The following RPS20 variants were observed in gnomAD, a reference collection of about 807,000 sequenced individuals.
RPS20 encodes ribosomal protein S20, also known as small ribosomal subunit protein uS10.
A neutral mutation model predicts 15.3 loss-of-function variants in RPS20; 3 were observed. That is an observed-to-expected ratio of 0.20 (90% confidence interval 0.09 to 0.51). RPS20 has a LOEUF of 0.51. RPS20 is among the 20% of genes least tolerant of loss of function. The probability of loss-of-function intolerance (pLI) is 0.96; values close to 1 mark genes in which losing one functional copy is unlikely to be tolerated. For missense variants in RPS20, 67 were observed against 145.9 expected (o/e 0.46, Z 2.79); for synonymous variants, 62 against 47.8 (o/e 1.30, Z -1.23).
intron 2 of RPS20, 53 bp downstream of exon 2, chr8:56,074,007 C>G: frequency 2.2e-6 from 3 of 1,382,128 alleles, no homozygotes; most frequent in Non-Finnish European, 3.1e-6. Flanking sequence ...ACGAGTAAAG[C>G]TCGTCGCTTT....
exon 6 of RPS20, chr8:56,068,007 A>T (rs1382237523): frequency 6.6e-6 from 1 of 152,208 alleles, no homozygotes; most frequent in East Asian, 1.9e-4. Context: ...TCAGATTTAG[A>T]TACTAGAAAA....
downstream of RPS20, among the ~76,000 whole-genome samples, chr8:56,071,508 G>C (rs756671423): frequency 6.6e-6 from 1 of 152,178 alleles, no homozygotes; most frequent in African/African-American, 2.4e-5. Context: ...TTTGTCTTGA[G>C]ATCTGAAGTA....
In RPS20 at chr8:56,074,387, T is replaced by C. The variant is rs2129213523; in HGVS notation, c.-4A>G. On this transcript the variant is annotated 5_prime_UTR_variant, in exon 1 of 4. Transcript: ENST00000009589. The stretch of plus-strand genomic sequence containing the variant: ...CCGCCGACTGCCGCCTCACCATGGC[T>C]GTTGCGCGCGGGCTTCCTGACCGAC... 1 of 1,560,766 alleles carries C rather than the reference T, an allele frequency of 6.4e-7. No individual in the cohort carries two copies. Among genetic ancestry groups the C allele is most frequent in the South Asian group, 1.1e-5 (1 of 87,056 alleles).
intron 2 of RPS20, 23 bp from the exon 3 acceptor site, chr8:56,073,791 C>T (rs754951627): frequency 1.9e-6 from 3 of 1,607,510 alleles, no homozygotes; most frequent in Non-Finnish European, 2.6e-6. Context: ...AAAGACCTCT[C>T]AGTATAATCG....
At chr8:56,071,858 TAAC>T (rs962457293), downstream of RPS20, among the ~76,000 whole-genome samples, 1 of 152,248 alleles carries the variant, frequency 6.6e-6, no homozygotes, top group Non-Finnish European at 1.5e-5. Context: ...AAGGCAATCT[TAAC>T]AATTTGTAGA....
At chr8:56,073,820 T>G (rs1781598405) in intron 2 of RPS20, 52 bp from the exon 3 acceptor site, 1 of 1,521,062 alleles carries the variant, frequency 6.6e-7, no homozygotes, top group African/African-American at 1.4e-5. Flanking sequence ...AAAATCGGCT[T>G]AAGGCCTTCA....
Position 56,073,968 on chromosome 8 carries a change from CT to C in RPS20, c.103+91del, listed in dbSNP as rs112753436. The C allele has an allele frequency of 1.3e-4, 160 of 1,202,994 alleles. 1 individual carries two copies. In the African/African-American group the frequency reaches 2.0e-3, roughly 15 times the overall value. The allele number at this position is 1,202,994 out of a possible 1,614,324, so 74.5% of individuals were successfully genotyped here. A position where few individuals can be genotyped will look rare whatever the true frequency, so the allele number is the denominator to read the frequency against. The stretch of plus-strand genomic sequence containing the variant: ...TTTTAAGTAACTTGTCACTTTAGTT[CT>C]TGCAGTCCACCTTCTACACTAACAT... On this transcript the variant is annotated intron_variant, in intron 2 of 3. Coordinates refer to ENST00000009589, the MANE Select transcript of RPS20 (RefSeq NM_001023.4).
At chr8:56,068,807 C>CTTTTTTTTTTTTTT (rs61576194), downstream of RPS20, among the ~76,000 whole-genome samples, 21 of 27,692 alleles carry the variant, frequency 7.6e-4, 7 homozygotes, top group Admixed American at 2.5e-3. Context: ...GTGAAAATAT[C>CTTTTTTTTTTTTTT]TTTTTTTTTT....
At chr8:56,074,319 A>C in intron 1 of RPS20, 62 bp downstream of exon 1, 1 of 1,546,806 alleles carries the variant, frequency 6.5e-7, no homozygotes, top group Non-Finnish European at 8.7e-7. Flanking sequence ...CGAACTCGAA[A>C]CCGGGGTCCC....
downstream of RPS20, chr8:56,069,607 TCTTA>T (rs1809699191): frequency 8.9e-6 from 8 of 899,530 alleles, no homozygotes; most frequent in Admixed American, 1.1e-4. Flanking sequence ...CCATAGTTCC[TCTTA>T]CTTTCAAAAG....
downstream of RPS20, among the ~76,000 whole-genome samples, chr8:56,072,107 C>T (rs1008063369): frequency 2.6e-5 from 4 of 152,046 alleles, no homozygotes; most frequent in African/African-American, 9.7e-5. Context: ...GCATGGTAGC[C>T]ACATGCTTGT....
At chr8:56,073,458 C>T in intron 3 of RPS20, 186 bp from the exon 4 acceptor site, 1 of 634,782 alleles carries the variant, frequency 1.6e-6, no homozygotes. Context: ...TAGGACACCA[C>T]CCTTAGAGCT....
chr8:56,071,858 T>G (rs1225654641), downstream of RPS20, among the ~76,000 whole-genome samples: 1 of 152,248 alleles, frequency 6.6e-6, no homozygotes, highest in Non-Finnish European at 1.5e-5. Context: ...AAGGCAATCT[T>G]AACAATTTGT....
At chr8:56,073,528 T>TC in intron 3 of RPS20, 167 bp downstream of exon 3, 1 of 671,846 alleles carries the variant, frequency 1.5e-6, no homozygotes, top group Non-Finnish European at 2.7e-6. Flanking sequence ...AACAATCATA[T>TC]CTAAACATTA....
chr8:56,073,899 C>T (rs1355939540), intron 2 of RPS20, 131 bp from the exon 3 acceptor site: 1 of 1,089,404 alleles, frequency 9.2e-7, no homozygotes, highest in Non-Finnish European at 1.4e-6. Context: ...CTCCTCATCG[C>T]CAGCTGTATG....
At chr8:56,070,737 C>CAAA (rs201439919), downstream of RPS20, among the ~76,000 whole-genome samples, 12 of 119,172 alleles carry the variant, frequency 1.0e-4, no homozygotes, top group South Asian at 8.1e-4. Flanking sequence ...CATTTAAATT[C>CAAA]AAAAAAAAAA....
downstream of RPS20, chr8:56,068,363 C>G (rs1380061592): frequency 6.6e-6 from 1 of 152,080 alleles, no homozygotes; most frequent in Non-Finnish European, 1.5e-5. Context: ...AATGGCATAA[C>G]CCCATCTCTA....
rs1010469645 is a variant in RPS20 at position 56,074,462 on chromosome 8, G to A, written c.-79C>T. On this transcript the variant is annotated 5_prime_UTR_variant, in exon 1 of 4. Coordinates refer to ENST00000009589, the MANE Select transcript of RPS20 (RefSeq NM_001023.4). The stretch of plus-strand genomic sequence containing the variant: ...CGGTGAGTCAGGAGCAGGAGCGTGC[G>A]GACCAAAAATCCTCAGCCCTTACGA... 42 of 1,497,920 alleles carry A rather than the reference G, an allele frequency of 2.8e-5. No individual in the cohort carries two copies. The highest frequency in any genetic ancestry group is 1.7e-4 in the African/African-American group (12 of 71,746). 92.8% of individuals were successfully genotyped at this position (1,497,920 alleles called of 1,614,324 possible). A position where few individuals can be genotyped will look rare whatever the true frequency, so the allele number is the denominator to read the frequency against.
Position 56,073,982 on chromosome 8 carries a change from T to C in RPS20, c.103+78A>G. ...TCACTTTAGTTCTTGCAGTCCACCT[T>C]CTACACTAACATTAACGAGTAAAGC... On this transcript the variant is annotated intron_variant, in intron 2 of 3. Transcript: ENST00000009589. 3 of 1,262,210 alleles carry C rather than the reference T, an allele frequency of 2.4e-6. No individual in the cohort carries two copies. The South Asian group carries it at 3.6e-5, about 15-fold the overall frequency. 78.2% of individuals were successfully genotyped at this position (1,262,210 alleles called of 1,614,324 possible). A position where few individuals can be genotyped will look rare whatever the true frequency, so the allele number is the denominator to read the frequency against.
Sources: allele counts gnomAD v4.1 joint callset (sites outside exome capture counted in the v4.1 genomes callset), GRCh38; gene constraint gnomAD v4.1.1; transcripts MANE v1.5; gene names NCBI Gene and HGNC (gene_info 2026-07-23, HGNC 2026-07-21).